UBE2Q2: variants seen among roughly 807,000 people sequenced by gnomAD.
UBE2Q2 encodes the protein ubiquitin-conjugating enzyme E2 Q2.
Under a neutral mutation model 59.9 loss-of-function variants are expected in UBE2Q2, and 54 were observed. The observed-to-expected ratio is 0.90, with a 90% CI of 0.72 to 1.13. The LOEUF (loss-of-function observed/expected upper bound fraction) is 1.13. UBE2Q2 is among the 50% of genes most tolerant of loss of function. The pLI, the probability that UBE2Q2 is intolerant of heterozygous loss-of-function variation, is 0.00. For synonymous variants in UBE2Q2, 165 were observed against 155.2 expected, an observed-to-expected ratio of 1.06 and a Z score of -0.47; for missense variants, 433 against 441.9, an observed-to-expected ratio of 0.98 and a Z score of 0.18.
intron 1 of UBE2Q2, among the ~76,000 whole-genome samples, chr15:75,850,527 G>A (rs1385455619): frequency 6.6e-6 from 1 of 152,182 alleles, no homozygotes; most frequent in African/African-American, 2.4e-5. Context: ...GATTTTCTTG[G>A]CTTAGCCCAC....
intron 11 of UBE2Q2, among the ~76,000 whole-genome samples, chr15:75,892,074 A>T (rs1259380878): frequency 6.6e-6 from 1 of 152,160 alleles, no homozygotes; most frequent in Non-Finnish European, 1.5e-5. Flanking sequence ...CCAGGGTAGG[A>T]GGAAGTGAGT....
At chr15:75,874,132 T>C (rs1897944802) in intron 5 of UBE2Q2, among the ~76,000 whole-genome samples, 1 of 152,168 alleles carries the variant, frequency 6.6e-6, no homozygotes. Context: ...TTTATGCTGT[T>C]TTCTCTGCTT....
chr15:75,844,514 C>A (rs1896220421), intron 1 of UBE2Q2: 5 of 1,549,528 alleles, frequency 3.2e-6, no homozygotes, highest in Non-Finnish European at 4.4e-6. Flanking sequence ...TCGTGTGGCC[C>A]CTCCCTTGTG....
At chr15:75,846,477 CA>C (rs1270659651) in intron 1 of UBE2Q2, among the ~76,000 whole-genome samples, 1 of 152,066 alleles carries the variant, frequency 6.6e-6, no homozygotes, top group Non-Finnish European at 1.5e-5. Context: ...CTCAAGCTCC[CA>C]AAGTGCTGGG....
At chr15:75,870,440 A>G (rs74024011) in intron 4 of UBE2Q2, among the ~76,000 whole-genome samples, 5,445 of 152,274 alleles carry the variant, frequency 0.036, 174 homozygotes, top group African/African-American at 0.081. Context: ...TGAGAGTTTA[A>G]TGTTTTTATG....
intron 5 of UBE2Q2, among the ~76,000 whole-genome samples, chr15:75,873,944 C>T (rs1234197349): frequency 6.6e-6 from 1 of 152,170 alleles, no homozygotes; most frequent in African/African-American, 2.4e-5. Flanking sequence ...ATCCTCCCAT[C>T]TTGGCCTCCG....
At chr15:75,891,641 A>T (rs572187829) in intron 11 of UBE2Q2, among the ~76,000 whole-genome samples, 1 of 152,284 alleles carries the variant, frequency 6.6e-6, no homozygotes, top group East Asian at 1.9e-4. Flanking sequence ...CAAGGATTGG[A>T]ACTAGACAGT....
intron 6 of UBE2Q2, among the ~76,000 whole-genome samples, 170 bp from the exon 7 acceptor site, chr15:75,877,791 G>A (rs1275640759): frequency 6.6e-6 from 1 of 152,148 alleles, no homozygotes; most frequent in Non-Finnish European, 1.5e-5. Context: ...TCTGTTAAGG[G>A]CATAAGATAC....
intron 11 of UBE2Q2, among the ~76,000 whole-genome samples, chr15:75,895,475 G>A (rs1899360723): frequency 6.6e-6 from 1 of 151,978 alleles, no homozygotes; most frequent in Admixed American, 6.6e-5. Flanking sequence ...GAGCCACCGT[G>A]CCTGGCCGGC....
chr15:75,873,979 G>T (rs1391680963), intron 5 of UBE2Q2, among the ~76,000 whole-genome samples: 18 of 152,104 alleles, frequency 1.2e-4, no homozygotes, highest in Non-Finnish European at 2.4e-4. Context: ...ACAGGCATGA[G>T]CCACCGTGCC....
intron 11 of UBE2Q2, among the ~76,000 whole-genome samples, chr15:75,892,762 G>C (rs1351910857): frequency 1.3e-5 from 2 of 152,108 alleles, no homozygotes; most frequent in Non-Finnish European, 2.9e-5. Context: ...TATAGTCTCA[G>C]CTACTCAGGA....
chr15:75,896,040 A>G (rs180689572), intron 11 of UBE2Q2, among the ~76,000 whole-genome samples: 3 of 152,294 alleles, frequency 2.0e-5, no homozygotes, highest in Admixed American at 6.5e-5. Context: ...GGTATGTTCT[A>G]TACTGATAAG....
intron 1 of UBE2Q2, chr15:75,844,175 C>G: frequency 6.9e-7 from 1 of 1,439,890 alleles, no homozygotes; most frequent in Non-Finnish European, 9.1e-7. Flanking sequence ...CCTCAGCCGG[C>G]CTGCTCCCGG....
chr15:75,868,903 G>A, intron 3 of UBE2Q2, 48 bp from the exon 4 acceptor site: 1 of 1,563,228 alleles, frequency 6.4e-7, no homozygotes, highest in Non-Finnish European at 8.8e-7. Flanking sequence ...TACTCAGCCT[G>A]TGCATATTTG....
intron 2 of UBE2Q2, among the ~76,000 whole-genome samples, chr15:75,855,891 T>C (rs1159687529): frequency 6.6e-6 from 1 of 152,184 alleles, no homozygotes; most frequent in African/African-American, 2.4e-5. Flanking sequence ...TTCATATTCG[T>C]AAATGTAATT....
chr15:75,858,104 ATCTCTTCTCCCTTGG>A (rs1897010839), intron 2 of UBE2Q2, among the ~76,000 whole-genome samples: 1 of 151,894 alleles, frequency 6.6e-6, no homozygotes, highest in African/African-American at 2.4e-5. Context: ...GTCTCCTCTG[ATCTCTTCTCCCTTGG>A]CCTACTTCTT....
In UBE2Q2 at chr15:75,900,513, AT is replaced by A. The variant is rs1899697202; in HGVS notation, c.*1062del. ...ATCAGTCCTTTTTGGTTGGTAATAGATTTTTTTATACACCCACGTTTGATTT... is the reference window on the plus strand; with the variant it reads ...ATCAGTCCTTTTTGGTTGGTAATAGATTTTTTATACACCCACGTTTGATTT... On this transcript the variant is annotated 3_prime_UTR_variant, in exon 13 of 13. Transcript: ENST00000267938. 1 of 152,556 alleles carries A rather than the reference AT, an allele frequency of 6.6e-6. No individual in the cohort carries two copies. The highest frequency in any genetic ancestry group is 1.5e-5 in the Non-Finnish European group (1 of 68,014). 9.5% of individuals were successfully genotyped at this position (152,556 alleles called of 1,614,324 possible).
Position 75,843,455 on chromosome 15 carries a change from C to G in UBE2Q2, c.-212C>G, listed in dbSNP as rs1896120397. On this transcript the variant is annotated 5_prime_UTR_variant, in exon 1 of 13. Transcript: ENST00000267938. ...GGCCGCCGCCTCCTGCCGCTGGAGT[C>G]GGTTACAAAGGAAGCGCCACCCAGG... 4.3e-6 allele frequency: 1 copy of G among 233,188 alleles called. No homozygotes were observed. The highest frequency in any genetic ancestry group is 5.8e-5 in the Admixed American group (1 of 17,380). 14.4% of individuals were successfully genotyped at this position (233,188 alleles called of 1,614,324 possible). A position where few individuals can be genotyped will look rare whatever the true frequency, so the allele number is the denominator to read the frequency against.
At chr15:75,852,264 A>G (rs769941370) in intron 1 of UBE2Q2, among the ~76,000 whole-genome samples, 3 of 152,050 alleles carry the variant, frequency 2.0e-5, no homozygotes, top group Non-Finnish European at 4.4e-5. Context: ...TACCATGACT[A>G]CTAGTAGTTT....
Sources: gnomAD v4.1 joint callset for allele counts (sites outside exome capture counted in the v4.1 genomes callset) on GRCh38, gnomAD v4.1.1 for gene constraint, MANE v1.5 for transcripts, NCBI Gene and HGNC (gene_info 2026-07-23, HGNC 2026-07-21) for gene names.